Variants in YIF1B observed in about 807,000 individuals in gnomAD.
YIF1B encodes the protein protein YIF1B.
In YIF1B, 24 loss-of-function variants were observed where a neutral mutation model predicts 34.6. The observed-to-expected ratio is 0.69, with a 90% confidence interval of 0.50 to 0.98. The LOEUF is 0.98. Among genes scored for constraint, YIF1B ranks in the 50% least tolerant of loss-of-function variants. YIF1B has a pLI of 0.00. For synonymous variants in YIF1B, 186 were observed against 184.8 expected (o/e 1.01, Z -0.05); for missense variants, 368 against 429.4 (o/e 0.86, Z 1.26).
In YIF1B at chr19:38,315,877, G is replaced by GGCGTCCCCGCAGCCGCC; in HGVS notation, c.24_40dup (p.Pro14ArgfsTer52). The stretch of plus-strand genomic sequence containing the variant: ...CCACGTACGCCACTTACGCAGCCGG[G>GGCGTCCCCGCAGCCGCC]GCGTCCCCGCAGCCGCCGCCGCCAA... On this transcript the variant is annotated frameshift_variant, in exon 1 of 8. Coordinates refer to ENST00000339413, the MANE Select transcript of YIF1B (RefSeq NM_001039672.3). LOFTEE classifies it high-confidence loss of function. The GGCGTCCCCGCAGCCGCC allele has an allele frequency of 6.7e-7, 1 of 1,492,270 alleles. No individual in the cohort carries two copies. The highest frequency in any genetic ancestry group is 8.8e-7 in the Non-Finnish European group (1 of 1,130,092). 92.4% of individuals were successfully genotyped at this position (1,492,270 alleles called of 1,614,324 possible).
At chr19:38,319,112 T>C (rs1378190562), upstream of YIF1B, among the ~76,000 whole-genome samples, 2 of 151,936 alleles carry the variant, frequency 1.3e-5, no homozygotes, top group Admixed American at 6.6e-5. Flanking sequence ...CTGACCACTC[T>C]GGGCTGTCTT....
intron 1 of YIF1B, among the ~76,000 whole-genome samples, chr19:38,315,066 T>C (rs1015368413): frequency 6.6e-6 from 1 of 151,716 alleles, no homozygotes; most frequent in Non-Finnish European, 1.5e-5. Flanking sequence ...TGAGACCAGC[T>C]TGACCAACAT....
intron 1 of YIF1B, among the ~76,000 whole-genome samples, chr19:38,310,142 A>G (rs1254832060): frequency 6.7e-6 from 1 of 148,794 alleles, no homozygotes; most frequent in South Asian, 2.1e-4. Context: ...CTATCCATCT[A>G]TCCATCTACC....
intron 1 of YIF1B, among the ~76,000 whole-genome samples, chr19:38,314,443 T>A (rs1969457527): frequency 2.0e-5 from 3 of 151,610 alleles, no homozygotes; most frequent in Non-Finnish European, 1.5e-5. Flanking sequence ...TCCTCCCACC[T>A]CGGCCTCCCA....
At position 38,305,364 on chromosome 19, in the gene YIF1B, G is replaced by A; in HGVS notation, c.933C>T (p.His311=). The A allele has an allele frequency of 1.9e-6, 3 of 1,603,494 alleles. No individual in the cohort carries two copies. The highest frequency in any genetic ancestry group is 1.3e-5 in the African/African-American group (1 of 74,870). The part of the protein sequence containing the change: ...QPMLMYWLTF[H]LVR Reference sequence around the variant, plus strand: ...TCAGCGGGCGCGCTCACCGCACCAGGTGGAAGGTGAGCCAGTACATGAGCA... The same window carrying A: ...TCAGCGGGCGCGCTCACCGCACCAGATGGAAGGTGAGCCAGTACATGAGCA... The change falls in exon 8 of 8, where the codon CAC becomes CAT. Residue 311 remains histidine (H), a synonymous_variant. Coordinates refer to ENST00000339413, the MANE Select transcript of YIF1B (RefSeq NM_001039672.3).
At chr19:38,314,414 C>T (rs1248006486) in intron 1 of YIF1B, among the ~76,000 whole-genome samples, 1 of 151,468 alleles carries the variant, frequency 6.6e-6, no homozygotes, top group Non-Finnish European at 1.5e-5. Flanking sequence ...AGGCTGGTCT[C>T]GAACTCCTGA....
At position 38,315,806 on chromosome 19, in the gene YIF1B, C is replaced by T. The variant is rs1258263871; in HGVS notation, c.58+54G>A. 5.3e-6 allele frequency: 8 copies of T among 1,507,802 alleles called. No homozygotes were observed. The East Asian group carries it at 2.2e-4, about 42-fold the overall frequency. 93.4% of individuals were successfully genotyped at this position (1,507,802 alleles called of 1,614,324 possible). A position where few individuals can be genotyped will look rare whatever the true frequency, so the allele number is the denominator to read the frequency against. On this transcript the variant is annotated intron_variant, in intron 1 of 7. Coordinates refer to ENST00000339413, the MANE Select transcript of YIF1B (RefSeq NM_001039672.3). Reference sequence around the variant, plus strand: ...GACCTGCAGTGACCTCGCCAACCGACGCGGCCGCCCCGCCACGCCCCCGCC... The same window carrying T: ...GACCTGCAGTGACCTCGCCAACCGATGCGGCCGCCCCGCCACGCCCCCGCC...
chr19:38,305,294 C>CG lies in YIF1B; in HGVS notation c.*57dup. 1 of 1,565,164 alleles carries CG rather than the reference C, an allele frequency of 6.4e-7. No individual in the cohort carries two copies. Among genetic ancestry groups the CG allele is most frequent in the Non-Finnish European group, 8.7e-7 (1 of 1,154,688 alleles). ...GGGGCCTGCAGGCAGGAGATGAGTTCGGCGGCCACAGTGGCCCCCAGCAGC... is the reference window on the plus strand; with the variant it reads ...GGGGCCTGCAGGCAGGAGATGAGTTCGGGCGGCCACAGTGGCCCCCAGCAGC... On this transcript the variant is annotated 3_prime_UTR_variant, in exon 8 of 8. Transcript: ENST00000339413.
upstream of YIF1B, chr19:38,320,150 T>C (rs777820175): frequency 6.3e-7 from 1 of 1,595,378 alleles, no homozygotes; most frequent in Non-Finnish European, 8.5e-7. Flanking sequence ...GAGCGAGTGC[T>C]GGCGGCCGGA....
chr19:38,314,271 T>C (rs930742420), intron 1 of YIF1B, among the ~76,000 whole-genome samples: 2 of 148,462 alleles, frequency 1.3e-5, no homozygotes, highest in Non-Finnish European at 3.0e-5. Context: ...CTCGGCCCAC[T>C]GCACCCTCCA....
upstream of YIF1B, among the ~76,000 whole-genome samples, chr19:38,318,880 G>C (rs750362023): frequency 1.3e-5 from 2 of 152,098 alleles, no homozygotes; most frequent in Non-Finnish European, 2.9e-5. Context: ...TTACGGGGGG[G>C]CGCAGAAAGA....
At position 38,304,191 on chromosome 19, in the gene YIF1B, T is replaced by C; in HGVS notation, c.*1161A>G. 6.3e-7 allele frequency: 1 copy of C among 1,585,030 alleles called. No homozygotes were observed. Among genetic ancestry groups the C allele is most frequent in the Non-Finnish European group, 8.6e-7 (1 of 1,158,810 alleles). ...TCCTCCAACGGGCAGGTCTCAGCGCTCCTCCCCCTGCTCCGCTCCTCTGCA... is the reference window on the plus strand; with the variant it reads ...TCCTCCAACGGGCAGGTCTCAGCGCCCCTCCCCCTGCTCCGCTCCTCTGCA... On this transcript the variant is annotated 3_prime_UTR_variant, in exon 8 of 8. Transcript: ENST00000339413.
chr19:38,309,485 G>T lies in YIF1B; in HGVS notation c.217C>A (p.Leu73Met), dbSNP rs747135315. 2.5e-6 allele frequency: 4 copies of T among 1,613,730 alleles called. No individual in the cohort carries two copies. In the African/African-American group the frequency reaches 5.3e-5, roughly 22 times the overall value. ...AASPTPHAAF[L>M]ADPVSNMAMA... ...GCCATGTTGGACACCGGGTCAGCCA[G>T]GAAGGCTGCATGGGGCGTGGGAGAG... The change falls in exon 2 of 8, where the codon CTG (leucine) becomes ATG (methionine). Residue 73 changes from leucine to methionine, a missense_variant. Physicochemically the swap from Leu to Met is conservative, Grantham distance 15. This residue lies in a region of YIF1B where 153 missense variants were observed against 156.7 expected (regional missense o/e 0.98). Transcript: ENST00000339413.
chr19:38,309,530 C>T lies in YIF1B; in HGVS notation c.172G>A (p.Gly58Ser), dbSNP rs1969222758. The change falls in exon 2 of 8, where the codon GGC becomes AGC. Residue 58 changes from glycine to serine, a missense_variant. This residue lies in a region of YIF1B where 153 missense variants were observed against 156.7 expected (regional missense o/e 0.98). Transcript: ENST00000339413. The part of the protein sequence containing the change: ...RGYGAQRAPG[G>S]LSYPAASPTP... ...GGAGAGGCTGCAGGATAACTCAGGC[C>T]ACCAGGTGCCCGCTGGGCCCCATAG... The T allele has an allele frequency of 6.2e-7, 1 of 1,607,596 alleles. No individual in the cohort carries two copies. The highest frequency in any genetic ancestry group is 8.5e-7 in the Non-Finnish European group (1 of 1,177,384).
At chr19:38,321,245 T>TG (rs773148142), upstream of YIF1B, among the ~76,000 whole-genome samples, 20 of 152,204 alleles carry the variant, frequency 1.3e-4, no homozygotes, top group Non-Finnish European at 2.6e-4. Flanking sequence ...CTGGGACTCC[T>TG]GGCCCTCTGG....
upstream of YIF1B, among the ~76,000 whole-genome samples, chr19:38,319,264 T>C (rs892504138): frequency 2.6e-5 from 4 of 152,064 alleles, no homozygotes; most frequent in African/African-American, 9.7e-5. Context: ...TGTGTCAGTC[T>C]CCCAGTTAGA....
upstream of YIF1B, among the ~76,000 whole-genome samples, chr19:38,320,891 C>G (rs893496861): frequency 6.6e-6 from 1 of 152,094 alleles, no homozygotes; most frequent in Non-Finnish European, 1.5e-5. Flanking sequence ...CTTGGTGACC[C>G]GGGTCTGTCC....
rs759434281 is a variant in YIF1B, at chr19:38,309,425, T to C, written c.277A>G (p.Lys93Glu). Reference protein sequence around the residue: ...AYGSSLAAQGKELVDKNIDRF... With the variant: ...AYGSSLAAQGEELVDKNIDRF... Reference sequence around the variant, plus strand: ...CTCACGTTCTTATCCACCAGCTCCTTGCCCTGCGCGGCCAGGCTGCTCCCA... The same window carrying C: ...CTCACGTTCTTATCCACCAGCTCCTCGCCCTGCGCGGCCAGGCTGCTCCCA... Residue 93 changes from lysine (K) to glutamate (E), a missense_variant, in exon 2 of 8, where the codon AAG becomes GAG. This residue lies in a region of YIF1B where 153 missense variants were observed against 156.7 expected (regional missense o/e 0.98). Coordinates refer to ENST00000339413, the MANE Select transcript of YIF1B (RefSeq NM_001039672.3). 1 of 1,613,484 alleles carries C rather than the reference T, an allele frequency of 6.2e-7. No individual in the cohort carries two copies. The highest frequency in any genetic ancestry group is 1.1e-5 in the South Asian group (1 of 91,052).
In YIF1B at chr19:38,304,423, G is replaced by C. The variant is rs747979155; in HGVS notation, c.*929C>G. 3 of 1,561,330 alleles carry C rather than the reference G, an allele frequency of 1.9e-6. No individual in the cohort carries two copies. The highest frequency in any genetic ancestry group is 1.9e-5 in the Admixed American group (1 of 51,548). Reference sequence around the variant, plus strand: ...CCCGGTGTGGGGGCGGGCCACGGGGGAGATCCCAAGCTCAGTCCCCACAAA... The same window carrying C: ...CCCGGTGTGGGGGCGGGCCACGGGGCAGATCCCAAGCTCAGTCCCCACAAA... On this transcript the variant is annotated 3_prime_UTR_variant, in exon 8 of 8. Transcript: ENST00000339413.
Sources: gnomAD v4.1 joint callset for allele counts (sites outside exome capture counted in the v4.1 genomes callset) on GRCh38, gnomAD v4.1.1 for gene constraint, gnomAD v4.1.1 regional missense constraint, MANE v1.5 for transcripts, NCBI Gene and HGNC (gene_info 2026-07-23, HGNC 2026-07-21) for gene names.